Variants in JAKMIP1 observed in about 807,000 individuals in gnomAD.
JAKMIP1 encodes the protein janus kinase and microtubule-interacting protein 1.
Under a neutral mutation model 113.0 loss-of-function variants are expected in JAKMIP1, and 33 were observed. The ratio of observed to expected loss-of-function variants is 0.29; its 90% CI spans 0.22 to 0.39. The LOEUF is 0.39. Among genes scored for constraint, JAKMIP1 ranks in the 10% least tolerant of loss-of-function variants. JAKMIP1 has a pLI of 1.00. For synonymous variants in JAKMIP1, 480 were observed against 459.9 expected (o/e 1.04, Z -0.56); for missense variants, 813 against 1,080.5 (o/e 0.75, Z 3.47).
In JAKMIP1 at chr4:6,162,759, G is replaced by C. The variant is rs76701615; in HGVS notation, c.-148+37494C>G. ...AGAAAGGTTAAGTGACTTGCCCAAG[G>C]TCACCCAGCCAGGAGCCAGGTGTGG... On this transcript the variant is annotated intron_variant, in intron 1 of 20. Coordinates refer to ENST00000409021, the MANE Select transcript of JAKMIP1 (RefSeq NM_001099433.2). The surrounding 1 kb of genome is among the most constrained non-coding windows in gnomAD (Gnocchi z 5.6). Among the ~76,000 whole-genome samples, 681 of 152,234 alleles carry C rather than the reference G, an allele frequency of 4.5e-3. 5 individuals carry two copies. The highest frequency in any genetic ancestry group is 0.016 in the African/African-American group (650 of 41,524).
In JAKMIP1 at chr4:6,108,250, G is replaced by T. The variant is rs924285587; in HGVS notation, c.130-2283C>A. On this transcript the variant is annotated intron_variant, in intron 2 of 20. Transcript: ENST00000409021. The surrounding 1 kb of genome is among the most constrained non-coding windows in gnomAD (Gnocchi z 5.6). ...ACAGAAGCAGCAGAGTGAGGCTGGGGTGACCTCTGATGGGCACAGAGCACT... is the reference window on the plus strand; with the variant it reads ...ACAGAAGCAGCAGAGTGAGGCTGGGTTGACCTCTGATGGGCACAGAGCACT... Among the ~76,000 whole-genome samples, 5 of 152,068 alleles carry T rather than the reference G, an allele frequency of 3.3e-5. No individual in the cohort carries two copies. Among genetic ancestry groups the T allele is most frequent in the African/African-American group, 1.2e-4 (5 of 41,418 alleles).
rs912768899 is a variant in JAKMIP1 at position 6,030,738 on chromosome 4, C to T, written c.2380-957G>A. 6.6e-5 allele frequency among the ~76,000 whole-genome samples: 10 copies of T among 152,338 alleles called. 1 individual carries two copies. The South Asian group carries it at 2.1e-3, about 32-fold the overall frequency. On this transcript the variant is annotated intron_variant, in intron 19 of 20. Transcript: ENST00000409021. ...CCAGCAAAAATTAAACATGGGGTCACCATAGGCCTTTATTCAGGCCCAGAG... is the reference window on the plus strand; with the variant it reads ...CCAGCAAAAATTAAACATGGGGTCATCATAGGCCTTTATTCAGGCCCAGAG...
chr4:6,112,868 A>C lies in JAKMIP1; in HGVS notation c.-18T>G. Reference sequence around the variant, plus strand: ...TTCGACATGCTTCCCCTTGGGTCAGAGTGCTGAGATCCTGCGGTCCACACC... The same window carrying C: ...TTCGACATGCTTCCCCTTGGGTCAGCGTGCTGAGATCCTGCGGTCCACACC... On this transcript the variant is annotated 5_prime_UTR_variant, in exon 2 of 21. Transcript: ENST00000409021. The C allele has an allele frequency of 6.2e-7, 1 of 1,612,412 alleles. No homozygotes were observed. The highest frequency in any genetic ancestry group is 8.5e-7 in the Non-Finnish European group (1 of 1,179,460).
chr4:6,084,202 A>C (rs904256579), intron 5 of JAKMIP1, among the ~76,000 whole-genome samples: 6 of 152,004 alleles, frequency 3.9e-5, no homozygotes, highest in Non-Finnish European at 8.8e-5. Flanking sequence ...CTGTAATCCC[A>C]GCTACTCGGG....
intron 1 of JAKMIP1, among the ~76,000 whole-genome samples, chr4:6,133,710 C>T (rs1718840876): frequency 6.6e-6 from 1 of 152,248 alleles, no homozygotes. Context: ...CTTGGCACCC[C>T]AGCAAGTGTG....
Position 6,157,339 on chromosome 4 carries a change from G to A in JAKMIP1, c.-148+42914C>T, listed in dbSNP as rs761828510. ...CCTCTGCAAAAAGGCGCACGGGATG[G>A]GAAGCTGGCGCACAACACAGGGTTG... On this transcript the variant is annotated intron_variant, in intron 1 of 20. Coordinates refer to ENST00000409021, the MANE Select transcript of JAKMIP1 (RefSeq NM_001099433.2). This position sits in a 1 kb window ranked among gnomAD's most constrained non-coding sequence, Gnocchi z 4.7. 6.6e-6 allele frequency among the ~76,000 whole-genome samples: 1 copy of A among 152,174 alleles called. No homozygotes were observed. Among genetic ancestry groups the A allele is most frequent in the Non-Finnish European group, 1.5e-5 (1 of 68,028 alleles).
At chr4:6,147,900 T>C (rs1460755395) in intron 1 of JAKMIP1, among the ~76,000 whole-genome samples, 1 of 152,236 alleles carries the variant, frequency 6.6e-6, no homozygotes, top group Non-Finnish European at 1.5e-5. Flanking sequence ...TCAACAAATA[T>C]TCATTGAGCC....
chr4:6,039,210 G>A (rs373350079), intron 18 of JAKMIP1, among the ~76,000 whole-genome samples: 2 of 152,204 alleles, frequency 1.3e-5, no homozygotes, highest in African/African-American at 4.8e-5. Context: ...GCCTTCCTGA[G>A]TTGGTGCTTA....
At chr4:6,198,271 T>C (rs1049916368) in intron 1 of JAKMIP1, among the ~76,000 whole-genome samples, 1 of 152,052 alleles carries the variant, frequency 6.6e-6, no homozygotes, top group Non-Finnish European at 1.5e-5. Flanking sequence ...GGCTTAATCA[T>C]GAATCGTTCT....
rs187701135 is a variant in JAKMIP1, at chr4:6,108,778, G to A, written c.130-2811C>T. On this transcript the variant is annotated intron_variant, in intron 2 of 20. Coordinates refer to ENST00000409021, the MANE Select transcript of JAKMIP1 (RefSeq NM_001099433.2). The surrounding 1 kb of genome is among the most constrained non-coding windows in gnomAD (Gnocchi z 5.6). ...GGGGAAGCCAGGTTTCCCACTTGGA[G>A]TAAGAGGTTACAGACAAGCAAGAGG... 6.6e-6 allele frequency among the ~76,000 whole-genome samples: 1 copy of A among 152,374 alleles called. No homozygotes were observed. Among genetic ancestry groups the A allele is most frequent in the Non-Finnish European group, 1.5e-5 (1 of 68,034 alleles).
chr4:6,160,398 A>T (rs1409253508), intron 1 of JAKMIP1, among the ~76,000 whole-genome samples: 1 of 152,202 alleles, frequency 6.6e-6, no homozygotes, highest in Non-Finnish European at 1.5e-5. Context: ...AGCTAGCAAT[A>T]AATTACACAG....
In JAKMIP1 at chr4:6,104,656, C is replaced by T. The variant is rs572475063; in HGVS notation, c.624+817G>A. On this transcript the variant is annotated intron_variant, in intron 3 of 20. Coordinates refer to ENST00000409021, the MANE Select transcript of JAKMIP1 (RefSeq NM_001099433.2). The stretch of plus-strand genomic sequence containing the variant: ...CTTCTTAGCCTCCTGCCCCACACAG[C>T]TTCAAAGTGTGACAAACGCCCTGAG... Among the ~76,000 whole-genome samples the T allele has an allele frequency of 1.8e-3, 271 of 152,372 alleles. 3 individuals carry two copies. The highest frequency in any genetic ancestry group is 1.0e-3 in the Non-Finnish European group (70 of 68,042).
At chr4:6,082,783 T>C (rs750090750) in intron 5 of JAKMIP1, among the ~76,000 whole-genome samples, 1 of 152,164 alleles carries the variant, frequency 6.6e-6, no homozygotes, top group Non-Finnish European at 1.5e-5. Flanking sequence ...ATTACAGGCA[T>C]GTGGCACCTC....
intron 1 of JAKMIP1, among the ~76,000 whole-genome samples, chr4:6,190,209 G>A (rs535334111): frequency 3.9e-5 from 6 of 152,192 alleles, no homozygotes; most frequent in East Asian, 1.9e-4. Context: ...CCATGGGGGG[G>A]GCTGCAATGC....
In JAKMIP1 at chr4:6,062,354, C is replaced by T; in HGVS notation, c.1518G>A (p.Gln506=). 3.1e-6 allele frequency: 5 copies of T among 1,613,574 alleles called. No individual in the cohort carries two copies. Among genetic ancestry groups the T allele is most frequent in the Non-Finnish European group, 4.2e-6 (5 of 1,179,988 alleles). The change falls in exon 10 of 21, where the codon CAG becomes CAA. Residue 506 remains glutamine (Q), a synonymous_variant. Coordinates refer to ENST00000409021, the MANE Select transcript of JAKMIP1 (RefSeq NM_001099433.2). ...QALQRAYALL[Q]EQVGGTLDAE... is the part of the protein sequence containing the mutation. ...CGTCCAGCGTGCCTCCCACCTGCTC[C>T]TGGAGCAGGGCGTAGGCGCGTTGCA... is the stretch of plus-strand genomic sequence containing the variant.
rs892562950 is a variant in JAKMIP1 at position 6,044,706 on chromosome 4, AT to A, written c.2029-2480del. On this transcript the variant is annotated intron_variant, in intron 16 of 20. Transcript: ENST00000409021. This position sits in a 1 kb window ranked among gnomAD's most constrained non-coding sequence, Gnocchi z 4.4. ...GGTTTCTGCAGAACACAGTGTTGAGATTTGTTGCTGCTGTCGTTTAAAAAAT... is the reference window on the plus strand; with the variant it reads ...GGTTTCTGCAGAACACAGTGTTGAGATTGTTGCTGCTGTCGTTTAAAAAAT... Among the ~76,000 whole-genome samples, 6 of 150,870 alleles carry A rather than the reference AT, an allele frequency of 4.0e-5. No individual in the cohort carries two copies. Among genetic ancestry groups the A allele is most frequent in the Non-Finnish European group, 8.8e-5 (6 of 67,942 alleles).
intron 1 of JAKMIP1, among the ~76,000 whole-genome samples, chr4:6,198,370 G>A (rs939966287): frequency 2.6e-5 from 4 of 152,168 alleles, no homozygotes; most frequent in South Asian, 2.1e-4. Flanking sequence ...ACATGTCTAC[G>A]CAACACAGAG....
At position 6,105,598 on chromosome 4, in the gene JAKMIP1, C is replaced by T; in HGVS notation, c.499G>A (p.Glu167Lys). The change falls in exon 3 of 21, where the codon GAG becomes AAG. Residue 167 changes from glutamate to lysine, a missense_variant. Around this residue, in one of 2 missense-constraint regions of JAKMIP1, gnomAD observed 540 missense variants for 653.9 expected, o/e 0.83. Coordinates refer to ENST00000409021, the MANE Select transcript of JAKMIP1 (RefSeq NM_001099433.2). ...ELKAARKQAE[E>K]ALSNCMQADK... Reference sequence around the variant, plus strand: ...GCCTGCATGCAGTTACTGAGCGCCTCCTCTGCCTGCTTGCGCGCTGCCTTG... The same window carrying T: ...GCCTGCATGCAGTTACTGAGCGCCTTCTCTGCCTGCTTGCGCGCTGCCTTG... 1 of 1,597,022 alleles carries T rather than the reference C, an allele frequency of 6.3e-7. No homozygotes were observed.
chr4:6,031,403 A>T lies in JAKMIP1; in HGVS notation c.2380-1622T>A, dbSNP rs1446756160. Among the ~76,000 whole-genome samples the T allele has an allele frequency of 6.6e-6, 1 of 152,258 alleles. No homozygotes were observed. Among genetic ancestry groups the T allele is most frequent in the African/African-American group, 2.4e-5 (1 of 41,548 alleles). On this transcript the variant is annotated intron_variant, in intron 19 of 20. Coordinates refer to ENST00000409021, the MANE Select transcript of JAKMIP1 (RefSeq NM_001099433.2). This position sits in a 1 kb window ranked among gnomAD's most constrained non-coding sequence, Gnocchi z 4.4. The stretch of plus-strand genomic sequence containing the variant: ...TTGCACTCCAGCCTGGGTGACACAG[A>T]GAGACTCCATCTCAATAAATAAATA...
Sources: gnomAD v4.1 joint callset for allele counts (sites outside exome capture counted in the v4.1 genomes callset) on GRCh38, gnomAD v4.1.1 for gene constraint, gnomAD v4.1.1 regional missense constraint, Gnocchi (gnomAD v3.1) non-coding constraint, MANE v1.5 for transcripts, NCBI Gene and HGNC (gene_info 2026-07-23, HGNC 2026-07-21) for gene names.